The following FHIT variants were observed in gnomAD, a reference collection of about 807,000 sequenced individuals.
FHIT encodes the protein fragile histidine triad diadenosine triphosphatase, also known as bis(5'-adenosyl)-triphosphatase.
FHIT carries 19 observed loss-of-function variants against 17.9 expected under a neutral mutation model. The ratio of observed to expected loss-of-function variants is 1.06; its 90% CI spans 0.74 to 1.56. The LOEUF is 1.56. Ranked by LOEUF, FHIT falls within the 40% of genes most tolerant of loss-of-function variation. The pLI is 0.00. For missense variants in FHIT, 248 were observed against 189.2 expected (o/e 1.31, Z -1.82); for synonymous variants, 81 against 69.7 (o/e 1.16, Z -0.81).
At chr3:60,065,313 C>G (rs1251512961) in intron 5 of FHIT, among the ~76,000 whole-genome samples, 2 of 152,086 alleles carry the variant, frequency 1.3e-5, no homozygotes, top group Admixed American at 6.6e-5. Context: ...CCTGACCTGG[C>G]CATGATCTAA....
chr3:60,322,767 A>C (rs1000845505), intron 5 of FHIT, among the ~76,000 whole-genome samples: 1 of 152,236 alleles, frequency 6.6e-6, no homozygotes, highest in African/African-American at 2.4e-5. Context: ...ATGATAAAGA[A>C]AGAGGTAGAG....
At position 60,772,314 on chromosome 3, in the gene FHIT, C is replaced by CTA. The variant is rs61056807; in HGVS notation, c.-18+49603_-18+49604dup. On this transcript the variant is annotated intron_variant, in intron 4 of 9. Coordinates refer to ENST00000492590, the MANE Select transcript of FHIT (RefSeq NM_002012.4). ...ATTAAGTAGATTGTTCACTTCTCAT[C>CTA]TATATATATATATATATATATATAT... is the stretch of plus-strand genomic sequence containing the variant. Among the ~76,000 whole-genome samples, 1,188 of 142,818 alleles carry CTA rather than the reference C, an allele frequency of 8.3e-3. 7 individuals carry two copies. The highest frequency in any genetic ancestry group is 0.014 in the Non-Finnish European group (906 of 65,478). The allele number at this position is 142,818 out of a possible 152,430, so 93.7% of individuals were successfully genotyped here.
At chr3:60,261,928 C>T (rs1264544187) in intron 5 of FHIT, among the ~76,000 whole-genome samples, 2 of 152,010 alleles carry the variant, frequency 1.3e-5, no homozygotes, top group Non-Finnish European at 2.9e-5. Context: ...AACAGGCCTT[C>T]CCAAGTCAGC....
At position 60,841,815 on chromosome 3, in the gene FHIT, T is replaced by G. The variant is rs1308865995; in HGVS notation, c.-110-19804A>C. Among the ~76,000 whole-genome samples, 5 of 152,122 alleles carry G rather than the reference T, an allele frequency of 3.3e-5. 1 individual carries two copies. The highest frequency in any genetic ancestry group is 7.4e-5 in the Non-Finnish European group (5 of 68,026). On this transcript the variant is annotated intron_variant, in intron 3 of 9. Transcript: ENST00000492590. ...TAAAGTTCCTCAATTTAAAAAAATATATACAAATGGACAAAAATGTCTTAG... is the reference window on the plus strand; with the variant it reads ...TAAAGTTCCTCAATTTAAAAAAATAGATACAAATGGACAAAAATGTCTTAG...
At chr3:61,089,570 A>G (rs2035414456) in intron 2 of FHIT, among the ~76,000 whole-genome samples, 1 of 152,212 alleles carries the variant, frequency 6.6e-6, no homozygotes, top group Non-Finnish European at 1.5e-5. Context: ...TCAGTAAAAA[A>G]AAATTGAATA....
chr3:60,668,371 G>GAA (rs60941309), intron 4 of FHIT, among the ~76,000 whole-genome samples: 5,418 of 67,866 alleles, frequency 0.08, 440 homozygotes, highest in Non-Finnish European at 0.1. Flanking sequence ...GCTCAATCAG[G>GAA]AAAAAAAAAA....
chr3:60,283,524 T>C (rs1707567859), intron 5 of FHIT, among the ~76,000 whole-genome samples: 1 of 152,112 alleles, frequency 6.6e-6, no homozygotes, highest in Non-Finnish European at 1.5e-5. Context: ...CCAATTTTGT[T>C]TTTAACACAT....
At chr3:59,951,172 C>T (rs1445549678) in intron 7 of FHIT, among the ~76,000 whole-genome samples, 1 of 152,204 alleles carries the variant, frequency 6.6e-6, no homozygotes, top group Non-Finnish European at 1.5e-5. Context: ...GTGGTAGCAT[C>T]AGGTCACAAA....
At chr3:60,777,925 G>C (rs1219256203) in intron 4 of FHIT, among the ~76,000 whole-genome samples, 7 of 152,200 alleles carry the variant, frequency 4.6e-5, no homozygotes, top group Admixed American at 2.0e-4. Flanking sequence ...TTTAAACCTT[G>C]AACATTTAAC....
At chr3:61,098,843 C>G (rs999348254) in intron 2 of FHIT, among the ~76,000 whole-genome samples, 1 of 152,180 alleles carries the variant, frequency 6.6e-6, no homozygotes, top group East Asian at 1.9e-4. Context: ...GCTTAAGAAG[C>G]TTTTAGGCTG....
intron 5 of FHIT, among the ~76,000 whole-genome samples, chr3:60,284,422 T>C (rs72872867): frequency 0.025 from 3,845 of 152,212 alleles, 157 homozygotes; most frequent in African/African-American, 0.084. Context: ...AGATAAGGTC[T>C]AATTTCCAAT....
intron 5 of FHIT, among the ~76,000 whole-genome samples, chr3:60,501,121 G>A (rs2034508424): frequency 6.6e-6 from 1 of 152,248 alleles, no homozygotes; most frequent in East Asian, 1.9e-4. Flanking sequence ...TGTGAAATTA[G>A]TGGGCAAAAA....
At chr3:61,142,473 T>G (rs1402925709) in intron 2 of FHIT, among the ~76,000 whole-genome samples, 1 of 144,390 alleles carries the variant, frequency 6.9e-6, no homozygotes. Flanking sequence ...GATACCAGGG[T>G]TCTACTTTAG....
intron 2 of FHIT, among the ~76,000 whole-genome samples, chr3:61,056,508 T>C (rs1401849252): frequency 6.6e-6 from 1 of 151,792 alleles, no homozygotes; most frequent in African/African-American, 2.4e-5. Context: ...CAGGGCAGAG[T>C]AAGAAGCGAA....
intron 3 of FHIT, among the ~76,000 whole-genome samples, chr3:60,989,218 C>T (rs747603721): frequency 2.0e-5 from 3 of 152,148 alleles, no homozygotes; most frequent in Non-Finnish European, 4.4e-5. Flanking sequence ...GGAGTGATCA[C>T]GGTTCACTGC....
intron 4 of FHIT, among the ~76,000 whole-genome samples, chr3:60,560,845 A>AGG (rs1553651282): frequency 2.3e-5 from 2 of 85,464 alleles, no homozygotes; most frequent in African/African-American, 7.1e-5. Context: ...ACACACACAC[A>AGG]GAGAGAGAGA....
chr3:59,966,054 C>T (rs1423065642), intron 7 of FHIT, among the ~76,000 whole-genome samples: 5 of 152,170 alleles, frequency 3.3e-5, no homozygotes, highest in African/African-American at 9.7e-5. Flanking sequence ...TGGCCACATG[C>T]AAAGGTATCC....
intron 8 of FHIT, among the ~76,000 whole-genome samples, chr3:59,920,100 C>T (rs1705329903): frequency 6.6e-6 from 1 of 152,188 alleles, no homozygotes; most frequent in South Asian, 2.1e-4. Context: ...TATTTACTAA[C>T]CATTGCTACT....
intron 5 of FHIT, among the ~76,000 whole-genome samples, chr3:60,390,429 C>CAAAAAAAAAA (rs138051258): frequency 8.9e-5 from 1 of 11,248 alleles, no homozygotes; most frequent in African/African-American, 1.2e-4. Flanking sequence ...AAAAAAAAAA[C>CAAAAAAAAAA]CCGTACCCTC....
Sources: allele counts gnomAD v4.1 joint callset (sites outside exome capture counted in the v4.1 genomes callset), GRCh38; gene constraint gnomAD v4.1.1; transcripts MANE v1.5; gene names NCBI Gene and HGNC (gene_info 2026-07-23, HGNC 2026-07-21).